RAB38: variants seen among roughly 807,000 people sequenced by gnomAD.
RAB38 encodes the protein ras-related protein Rab-38.
A neutral mutation model predicts 18.4 loss-of-function variants in RAB38; 15 were observed. The observed-to-expected ratio is 0.82, with a 90% CI of 0.55 to 1.26. RAB38 has a LOEUF of 1.26. Among genes scored for constraint, RAB38 ranks in the 50% most tolerant of loss-of-function variants. The pLI, the probability that RAB38 is intolerant of heterozygous loss-of-function variation, is 0.00. For synonymous variants in RAB38, 101 were observed against 104.4 expected (o/e 0.97, Z 0.20); for missense variants, 294 against 267.4 (o/e 1.10, Z -0.69).
At chr11:88,055,398 C>A in the RAB38 span, among the ~76,000 whole-genome samples, 1 of 152,128 alleles carries the variant, frequency 6.6e-6, no homozygotes, top group African/African-American at 2.4e-5. Context: ...AACAGATACA[C>A]AGTAACATGA....
chr11:88,017,852 G>T, the RAB38 span, among the ~76,000 whole-genome samples: 1 of 151,678 alleles, frequency 6.6e-6, no homozygotes, highest in Non-Finnish European at 1.5e-5. Flanking sequence ...CATAGCCCTG[G>T]TAATTCCCAC....
intron 1 of RAB38, among the ~76,000 whole-genome samples, chr11:88,174,456 C>T (rs1591182522): frequency 6.6e-6 from 1 of 151,974 alleles, no homozygotes; most frequent in Admixed American, 6.6e-5. Flanking sequence ...AATCATAAGG[C>T]TATCATAGGC....
intron 1 of RAB38, among the ~76,000 whole-genome samples, chr11:88,157,401 A>T (rs1565219347): frequency 6.6e-6 from 1 of 152,218 alleles, no homozygotes; most frequent in Non-Finnish European, 1.5e-5. Context: ...ATAGTGGGGG[A>T]CTTCAATATC....
chr11:87,887,201 T>A, the RAB38 span, among the ~76,000 whole-genome samples: 8 of 151,942 alleles, frequency 5.3e-5, no homozygotes, highest in African/African-American at 1.9e-4. Context: ...TTCCAATTAT[T>A]GCAGTGAGTG....
At chr11:87,939,958 AAAG>A in the RAB38 span, among the ~76,000 whole-genome samples, 3 of 152,112 alleles carry the variant, frequency 2.0e-5, no homozygotes, top group Non-Finnish European at 4.4e-5. Flanking sequence ...TAAACTAGAA[AAAG>A]AAGAGCAAAT....
chr11:88,037,367 T>C, the RAB38 span, among the ~76,000 whole-genome samples: 9 of 152,110 alleles, frequency 5.9e-5, no homozygotes, highest in African/African-American at 2.2e-4. Context: ...TAGTGGTTTG[T>C]TCATTTGGTA....
chr11:87,934,501 A>C, the RAB38 span, among the ~76,000 whole-genome samples: 103 of 152,266 alleles, frequency 6.8e-4, no homozygotes, highest in Non-Finnish European at 1.2e-3. Context: ...AAGTTGACCC[A>C]GTTGAATTTA....
At chr11:88,042,566 C>T in the RAB38 span, among the ~76,000 whole-genome samples, 1 of 152,116 alleles carries the variant, frequency 6.6e-6, no homozygotes, top group Non-Finnish European at 1.5e-5. Context: ...CCTGGGGAAG[C>T]CAGAGAGTGT....
the RAB38 span, among the ~76,000 whole-genome samples, chr11:88,056,846 TA>T: frequency 6.6e-6 from 1 of 151,258 alleles, no homozygotes; most frequent in Non-Finnish European, 1.5e-5. Context: ...CATACATACA[TA>T]CATACATACA....
At chr11:88,075,194 T>C in the RAB38 span, among the ~76,000 whole-genome samples, 2 of 152,154 alleles carry the variant, frequency 1.3e-5, no homozygotes, top group Non-Finnish European at 1.5e-5. Context: ...CCAGACCAAA[T>C]AGACCTAACT....
At chr11:88,078,095 A>C in the RAB38 span, among the ~76,000 whole-genome samples, 7 of 152,088 alleles carry the variant, frequency 4.6e-5, no homozygotes, top group African/African-American at 1.4e-4. Context: ...TAATCAGAAA[A>C]ATGTAAAACA....
chr11:88,090,548 AT>A, the RAB38 span, among the ~76,000 whole-genome samples: 1 of 151,996 alleles, frequency 6.6e-6, no homozygotes, highest in Non-Finnish European at 1.5e-5. Context: ...CAAAAGAAGT[AT>A]TTTTATTAAA....
the RAB38 span, among the ~76,000 whole-genome samples, chr11:88,029,791 A>G: frequency 6.6e-6 from 1 of 152,144 alleles, no homozygotes; most frequent in African/African-American, 2.4e-5. Context: ...GGAGACTTTA[A>G]CACCCCACTG....
At chr11:88,162,374 G>C (rs1943196964) in intron 1 of RAB38, among the ~76,000 whole-genome samples, 1 of 152,122 alleles carries the variant, frequency 6.6e-6, no homozygotes, top group Non-Finnish European at 1.5e-5. Context: ...TGCAGCCCCT[G>C]TGACAAGCAC....
At chr11:87,953,813 T>G in the RAB38 span, among the ~76,000 whole-genome samples, 1 of 151,806 alleles carries the variant, frequency 6.6e-6, no homozygotes. Context: ...TCTCTTTAAA[T>G]GCTTGCCTTT....
At chr11:88,007,323 C>A in the RAB38 span, among the ~76,000 whole-genome samples, 1 of 148,282 alleles carries the variant, frequency 6.7e-6, no homozygotes, top group African/African-American at 2.5e-5. Context: ...TCATGAAAAA[C>A]ACTGTTAACA....
chr11:88,081,086 C>T, the RAB38 span, among the ~76,000 whole-genome samples: 1 of 151,676 alleles, frequency 6.6e-6, no homozygotes, highest in Admixed American at 6.6e-5. Context: ...AATAACACCA[C>T]TACACATTAA....
At chr11:87,889,688 A>T in the RAB38 span, among the ~76,000 whole-genome samples, 1 of 151,914 alleles carries the variant, frequency 6.6e-6, no homozygotes, top group East Asian at 2.0e-4. Context: ...AGAGTAGCTA[A>T]ATAGAAGTGT....
chr11:87,934,052 A>G, the RAB38 span, among the ~76,000 whole-genome samples: 2 of 152,058 alleles, frequency 1.3e-5, no homozygotes, highest in African/African-American at 4.8e-5. Flanking sequence ...CCTTTCTTAC[A>G]CAGCCAATAA....
Sources: gnomAD v4.1 joint callset for allele counts (sites outside exome capture counted in the v4.1 genomes callset) on GRCh38, gnomAD v4.1.1 for gene constraint, MANE v1.5 for transcripts, NCBI Gene and HGNC (gene_info 2026-07-23, HGNC 2026-07-21) for gene names.